CEP192: variants seen among roughly 807,000 people sequenced by gnomAD.
CEP192 encodes centrosomal protein 192, also known as centrosomal protein of 192 kDa.
In CEP192, 151 loss-of-function variants were observed where a neutral mutation model predicts 271.8. The ratio of observed to expected loss-of-function variants is 0.56; its 90% confidence interval spans 0.49 to 0.64. The LOEUF (loss-of-function observed/expected upper bound fraction) is 0.64. CEP192 is among the 30% of genes least tolerant of loss of function. The pLI, the probability that CEP192 is intolerant of heterozygous loss-of-function variation, is 0.00. For missense variants in CEP192, 2,910 were observed against 3,020.5 expected (o/e 0.96, Z 0.86); for synonymous variants, 995 against 1,076.5 (o/e 0.92, Z 1.48).
chr18:13,049,935 A>G, intron 17 of CEP192, 44 bp downstream of exon 17: 1 of 1,521,732 alleles, frequency 6.6e-7, no homozygotes, highest in South Asian at 1.2e-5. Context: ...ATATGCGTTC[A>G]GTATAGGAAC....
chr18:13,122,710 C>CTCTGCTCCCTAGATGCATT (rs2040727244), intron 44 of CEP192, among the ~76,000 whole-genome samples: 1 of 152,224 alleles, frequency 6.6e-6, no homozygotes, highest in African/African-American at 2.4e-5. Flanking sequence ...CTGATGGCCT[C>CTCTGCTCCCTAGATGCATT]TCTGCTCCCT....
chr18:13,027,680 A>G (rs991105309), intron 9 of CEP192, among the ~76,000 whole-genome samples: 1 of 152,174 alleles, frequency 6.6e-6, no homozygotes, highest in African/African-American at 2.4e-5. Context: ...GCGACTTCCA[A>G]GCCCTTTATA....
At chr18:13,032,526 A>G (rs1366368848) in intron 11 of CEP192, among the ~76,000 whole-genome samples, 1 of 152,148 alleles carries the variant, frequency 6.6e-6, no homozygotes, top group Non-Finnish European at 1.5e-5. Context: ...TGGAATTCTC[A>G]TGTGTTGCTG....
intron 42 of CEP192, among the ~76,000 whole-genome samples, chr18:13,115,158 C>T (rs1475655460): frequency 2.0e-5 from 3 of 152,208 alleles, no homozygotes; most frequent in Admixed American, 1.3e-4. Flanking sequence ...TTGGCACACT[C>T]CCTCCAGGCT....
intron 9 of CEP192, among the ~76,000 whole-genome samples, chr18:13,022,508 GT>G (rs1479746981): frequency 6.6e-6 from 1 of 152,122 alleles, no homozygotes; most frequent in Non-Finnish European, 1.5e-5. Flanking sequence ...AGCCTGCCAG[GT>G]AGCTGGGATT....
chr18:13,122,151 C>T lies in CEP192; in HGVS notation c.7476-2481C>T, dbSNP rs143433656. Among the ~76,000 whole-genome samples the T allele has an allele frequency of 5.2e-3, 785 of 152,190 alleles. 3 individuals are homozygous for T. The highest frequency in any genetic ancestry group is 8.3e-3 in the Non-Finnish European group (563 of 67,996). On this transcript the variant is annotated intron_variant, in intron 44 of 44. Transcript: ENST00000506447. ...AAAAATGCAAAAAGCAGGCCAGGCG[C>T]GGTGGCTCATGCCTGTAATCCCAGC...
At chr18:13,008,963 C>T (rs927374873) in intron 4 of CEP192, among the ~76,000 whole-genome samples, 3 of 151,350 alleles carry the variant, frequency 2.0e-5, no homozygotes, top group African/African-American at 7.3e-5. Flanking sequence ...TGTGCCTTGG[C>T]CTGCCAGAAT....
At position 12,998,655 on chromosome 18, in the gene CEP192, C is replaced by T. The variant is rs1184390972; in HGVS notation, c.-4-766C>T. On this transcript the variant is annotated intron_variant, in intron 1 of 44. Coordinates refer to ENST00000506447, the MANE Select transcript of CEP192 (RefSeq NM_032142.4). ...TAAAAGTTCTTCTCAGTCTTCAAGG[C>T]GCATTGCCAATATCCTCTCATTTTT... 4.6e-5 allele frequency among the ~76,000 whole-genome samples: 7 copies of T among 152,302 alleles called. No homozygotes were observed. The South Asian group carries it at 1.0e-3, about 23-fold the overall frequency.
intron 13 of CEP192, among the ~76,000 whole-genome samples, chr18:13,040,032 T>C (rs1484708187): frequency 6.6e-6 from 1 of 152,192 alleles, no homozygotes; most frequent in Non-Finnish European, 1.5e-5. Context: ...GAGTATGATT[T>C]TGAAATAACA....
intron 40 of CEP192, among the ~76,000 whole-genome samples, chr18:13,106,855 C>T (rs1317681388): frequency 1.3e-5 from 2 of 152,192 alleles, no homozygotes; most frequent in African/African-American, 4.8e-5. Flanking sequence ...TGATTGACTA[C>T]GTTGCTTAAA....
intron 9 of CEP192, among the ~76,000 whole-genome samples, chr18:13,022,013 T>G (rs1014162549): frequency 6.6e-6 from 1 of 152,348 alleles, no homozygotes; most frequent in Admixed American, 6.5e-5. Flanking sequence ...GCATTTTACA[T>G]TTAGGTCTGT....
chr18:13,124,023 G>A (rs529537555), intron 44 of CEP192, among the ~76,000 whole-genome samples: 61 of 152,244 alleles, frequency 4.0e-4, no homozygotes, highest in Admixed American at 7.2e-4. Flanking sequence ...AGCTGGGTGC[G>A]GTGATGGGCG....
At chr18:13,055,117 A>C (rs2037013674) in intron 18 of CEP192, among the ~76,000 whole-genome samples, 1 of 152,050 alleles carries the variant, frequency 6.6e-6, no homozygotes, top group African/African-American at 2.4e-5. Context: ...GTCTCTACTA[A>C]AAATACAAAA....
At chr18:13,002,313 CTTATT>C (rs968453625) in intron 3 of CEP192, among the ~76,000 whole-genome samples, 20 of 145,658 alleles carry the variant, frequency 1.4e-4, no homozygotes, top group African/African-American at 5.2e-4. Context: ...AGATTAAGCT[CTTATT>C]CTATTACACA....
intron 21 of CEP192, among the ~76,000 whole-genome samples, chr18:13,061,953 G>T (rs899443616): frequency 2.4e-4 from 37 of 152,154 alleles, no homozygotes; most frequent in African/African-American, 8.9e-4. Context: ...ATATCAGACT[G>T]TTGAGCCTAC....
intron 44 of CEP192, among the ~76,000 whole-genome samples, chr18:13,123,358 C>A (rs568630013): frequency 6.6e-6 from 1 of 152,228 alleles, no homozygotes; most frequent in Non-Finnish European, 1.5e-5. Flanking sequence ...CACATACACA[C>A]CTTTGCTCTA....
chr18:13,083,314 T>TCTTTTTA (rs1456554003), intron 30 of CEP192, among the ~76,000 whole-genome samples: 1 of 151,962 alleles, frequency 6.6e-6, no homozygotes, highest in Non-Finnish European at 1.5e-5. Context: ...AGGCTTTGTT[T>TCTTTTTA]CTTTTTACTT....
intron 40 of CEP192, among the ~76,000 whole-genome samples, chr18:13,113,162 T>C (rs1360908415): frequency 6.6e-6 from 1 of 152,180 alleles, no homozygotes; most frequent in Admixed American, 6.5e-5. Context: ...CCCTCACTGT[T>C]GTCAGTCCTC....
chr18:13,036,395 C>T (rs868527480), intron 11 of CEP192, among the ~76,000 whole-genome samples: 17 of 152,122 alleles, frequency 1.1e-4, no homozygotes, highest in Admixed American at 9.2e-4. Flanking sequence ...GGGGAGCCTC[C>T]GTCATGTTTG....
Sources: allele counts gnomAD v4.1 joint callset (sites outside exome capture counted in the v4.1 genomes callset), GRCh38; gene constraint gnomAD v4.1.1; transcripts MANE v1.5; gene names NCBI Gene and HGNC (gene_info 2026-07-23, HGNC 2026-07-21).